PTGER3: variants seen among roughly 807,000 people sequenced by gnomAD.
PTGER3 encodes the protein prostaglandin E2 receptor EP3 subtype.
In PTGER3, 22 loss-of-function variants were observed where a neutral mutation model predicts 34.7. That is an observed-to-expected ratio of 0.63 (90% CI 0.45 to 0.91). The LOEUF is 0.91. PTGER3 is among the 40% of genes least tolerant of loss of function. The pLI is 0.00. For synonymous variants in PTGER3, 241 were observed against 230.1 expected (o/e 1.05, Z -0.43); for missense variants, 468 against 519.4 (o/e 0.90, Z 0.96).
At chr1:71,021,307 T>C (rs1461374619) in intron 1 of PTGER3, among the ~76,000 whole-genome samples, 1 of 152,166 alleles carries the variant, frequency 6.6e-6, no homozygotes, top group African/African-American at 2.4e-5. Flanking sequence ...GTATAAATTG[T>C]AAATTCTGTA....
exon 5 of PTGER3, chr1:70,852,802 A>G (rs1324216029): frequency 6.2e-7 from 1 of 1,610,414 alleles, no homozygotes; most frequent in African/African-American, 1.3e-5. Context: ...AGAGTCATGG[A>G]GCTTCCAGTG....
chr1:71,044,070 C>T (rs1490257724), intron 1 of PTGER3, among the ~76,000 whole-genome samples: 1 of 151,430 alleles, frequency 6.6e-6, no homozygotes, highest in East Asian at 2.0e-4. Flanking sequence ...CTCACCTCGG[C>T]CTCCCAAAGT....
intron 3 of PTGER3, among the ~76,000 whole-genome samples, chr1:70,972,523 T>C (rs1441910884): frequency 3.3e-5 from 5 of 151,858 alleles, no homozygotes; most frequent in African/African-American, 1.2e-4. Flanking sequence ...ATTCTCCTTA[T>C]GGTAAAATAT....
At chr1:70,852,961 G>T in intron 4 of PTGER3, 1 of 1,302,560 alleles carries the variant, frequency 7.7e-7, no homozygotes, top group Non-Finnish European at 1.1e-6. Context: ...TTCAGATTAT[G>T]AACAGGAATG....
intron 4 of PTGER3, among the ~76,000 whole-genome samples, chr1:70,915,919 G>C (rs750004574): frequency 1.0e-3 from 155 of 152,008 alleles, no homozygotes; most frequent in Admixed American, 3.6e-3. Flanking sequence ...TTTCTATGCA[G>C]CAAAACAAAC....
chr1:70,912,312 G>C (rs1455228848), intron 4 of PTGER3, among the ~76,000 whole-genome samples: 1 of 151,756 alleles, frequency 6.6e-6, no homozygotes, highest in African/African-American at 2.4e-5. Context: ...AATGTTTCTG[G>C]TCTATGATCT....
chr1:71,021,578 C>T (rs1658424762), intron 1 of PTGER3, among the ~76,000 whole-genome samples: 1 of 149,678 alleles, frequency 6.7e-6, no homozygotes. Context: ...GATAATATGT[C>T]ATTGTCAAGG....
chr1:70,928,133 TTA>T (rs143548664), intron 4 of PTGER3, among the ~76,000 whole-genome samples: 26 of 145,510 alleles, frequency 1.8e-4, no homozygotes, highest in South Asian at 1.1e-3. Flanking sequence ...ATATATATAT[TTA>T]TATATATATA....
chr1:71,030,894 G>A (rs779499624), intron 1 of PTGER3, among the ~76,000 whole-genome samples: 2 of 151,908 alleles, frequency 1.3e-5, no homozygotes, highest in African/African-American at 4.8e-5. Context: ...TTTCAACGAA[G>A]TGATTTGAAA....
At chr1:70,917,193 G>C (rs1468657163) in intron 4 of PTGER3, among the ~76,000 whole-genome samples, 2 of 150,594 alleles carry the variant, frequency 1.3e-5, no homozygotes, top group African/African-American at 2.4e-5. Context: ...TGCAACCCCC[G>C]CTTTCCCCCT....
intron 1 of PTGER3, among the ~76,000 whole-genome samples, chr1:71,035,535 CT>C (rs1273854296): frequency 6.6e-6 from 1 of 152,202 alleles, no homozygotes; most frequent in Non-Finnish European, 1.5e-5. Flanking sequence ...ATATTAATGT[CT>C]CTACATCTCC....
intron 4 of PTGER3, among the ~76,000 whole-genome samples, chr1:70,895,509 A>G (rs1344052007): frequency 1.3e-5 from 2 of 152,246 alleles, no homozygotes; most frequent in African/African-American, 4.8e-5. Flanking sequence ...AGCTGATTAA[A>G]TCAGCATCAC....
At chr1:71,010,792 T>C (rs1181726203) in intron 2 of PTGER3, 2 of 985,090 alleles carry the variant, frequency 2.0e-6, no homozygotes, top group Admixed American at 6.2e-5. Context: ...CAATTTGACA[T>C]GGTCATTTAA....
intron 4 of PTGER3, among the ~76,000 whole-genome samples, chr1:70,914,892 T>A (rs902244736): frequency 6.6e-6 from 1 of 151,842 alleles, no homozygotes; most frequent in Non-Finnish European, 1.5e-5. Flanking sequence ...GGAATCAAGA[T>A]TAGGAGACCT....
At chr1:70,953,282 C>T (rs41287924) in intron 3 of PTGER3, among the ~76,000 whole-genome samples, 1,553 of 152,062 alleles carry the variant, frequency 0.01, 16 homozygotes, top group Admixed American at 0.02. Flanking sequence ...ATTTGAGCAT[C>T]CTGGGATTTT....
At chr1:70,942,237 G>A (rs1003493025) in intron 4 of PTGER3, among the ~76,000 whole-genome samples, 12 of 152,154 alleles carry the variant, frequency 7.9e-5, no homozygotes, top group Non-Finnish European at 1.6e-4. Flanking sequence ...GAGATGAATG[G>A]AGTCTGATCC....
chr1:70,943,280 AAATAATCAAGTAGTTTGAGTTTTTAT>A (rs1187006002), intron 4 of PTGER3, among the ~76,000 whole-genome samples: 1 of 152,170 alleles, frequency 6.6e-6, no homozygotes, highest in African/African-American at 2.4e-5. Flanking sequence ...ACCAGCAAGC[AAATAATCAAGTAGTTTGAGTTTTTAT>A]TTGTTGTCTA....
At position 70,942,783 on chromosome 1, in the gene PTGER3, T is replaced by C. The variant is rs74089173; in HGVS notation, c.*23+10980A>G. On this transcript the variant is annotated intron_variant, in intron 4 of 4. Transcript: ENST00000370931. The stretch of plus-strand genomic sequence containing the variant: ...GGGCCTTAATCCAATTTGACTGGTA[T>C]CCTTATAAGAAAAGGAAAGTTGAAC... 3.9e-3 allele frequency among the ~76,000 whole-genome samples: 597 copies of C among 152,256 alleles called. 7 individuals are homozygous for C. Among genetic ancestry groups the C allele is most frequent in the African/African-American group, 0.014 (565 of 41,560 alleles).
chr1:71,028,276 C>T (rs1486529933), intron 1 of PTGER3, among the ~76,000 whole-genome samples: 1 of 152,192 alleles, frequency 6.6e-6, no homozygotes, highest in East Asian at 1.9e-4. Context: ...GCTTCTCTCT[C>T]CTGCTAGAAG....
Sources: allele counts gnomAD v4.1 joint callset (sites outside exome capture counted in the v4.1 genomes callset), GRCh38; gene constraint gnomAD v4.1.1; transcripts MANE v1.5; gene names NCBI Gene and HGNC (gene_info 2026-07-23, HGNC 2026-07-21).